The following SNTG1 variants were observed in gnomAD, a reference collection of about 807,000 sequenced individuals.
SNTG1 encodes the protein syntrophin gamma 1, also known as gamma-1-syntrophin.
SNTG1 carries 39 observed loss-of-function variants against 74.7 expected under a neutral mutation model. The ratio of observed to expected loss-of-function variants is 0.52; its 90% confidence interval spans 0.40 to 0.68. SNTG1 has a LOEUF of 0.68. Among genes scored for constraint, SNTG1 ranks in the 30% least tolerant of loss-of-function variants. SNTG1 has a pLI of 0.00. For missense variants in SNTG1, 685 were observed against 609.5 expected (o/e 1.12, Z -1.30); for synonymous variants, 254 against 217.1 (o/e 1.17, Z -1.49).
At position 50,257,257 on chromosome 8, in the gene SNTG1, A is replaced by G. The variant is rs527954950; in HGVS notation, c.-28+84622A>G. Among the ~76,000 whole-genome samples, 3 of 152,250 alleles carry G rather than the reference A, an allele frequency of 2.0e-5. No homozygotes were observed. In the East Asian group the frequency reaches 5.8e-4, roughly 30 times the overall value. Reference sequence around the variant, plus strand: ...TTGCAGATGAAAAATACTGGACCCTATTGTCCAAACCTAGCCCACTTATAG... The same window carrying G: ...TTGCAGATGAAAAATACTGGACCCTGTTGTCCAAACCTAGCCCACTTATAG... On this transcript the variant is annotated intron_variant, in intron 2 of 18. Transcript: ENST00000642720.
At chr8:50,473,033 AC>A (rs1242624133) in intron 8 of SNTG1, among the ~76,000 whole-genome samples, 1 of 152,128 alleles carries the variant, frequency 6.6e-6, no homozygotes, top group East Asian at 1.9e-4. Flanking sequence ...AAAACAGAAA[AC>A]AAGCGTTGGC....
intron 14 of SNTG1, among the ~76,000 whole-genome samples, 157 bp from the exon 15 acceptor site, chr8:50,658,435 G>A (rs2095197294): frequency 1.3e-5 from 2 of 152,130 alleles, no homozygotes; most frequent in African/African-American, 2.4e-5. Context: ...GGAAACAAAA[G>A]CATTATGTAG....
chr8:50,394,846 CT>C (rs10634199), intron 3 of SNTG1, among the ~76,000 whole-genome samples: 1,573 of 143,536 alleles, frequency 0.011, 35 homozygotes, highest in African/African-American at 0.033. Context: ...GAAAAACTAA[CT>C]TTTTTTTTTT....
chr8:50,502,146 T>C (rs1447561633), intron 8 of SNTG1, among the ~76,000 whole-genome samples: 3 of 152,164 alleles, frequency 2.0e-5, no homozygotes, highest in African/African-American at 7.2e-5. Flanking sequence ...GACTTCAACA[T>C]TATATTACAA....
intron 4 of SNTG1, among the ~76,000 whole-genome samples, chr8:50,430,253 A>C (rs1322503872): frequency 6.6e-6 from 1 of 152,202 alleles, no homozygotes; most frequent in Non-Finnish European, 1.5e-5. Flanking sequence ...TATATCTCAA[A>C]AAATATATTC....
intron 9 of SNTG1, among the ~76,000 whole-genome samples, chr8:50,508,799 C>T (rs2094034980): frequency 6.6e-6 from 1 of 152,040 alleles, no homozygotes; most frequent in Non-Finnish European, 1.5e-5. Context: ...TGTTTGAGTT[C>T]ATTGTAGATT....
chr8:50,019,587 G>C (rs916217061), intron 1 of SNTG1, among the ~76,000 whole-genome samples: 2 of 151,996 alleles, frequency 1.3e-5, no homozygotes, highest in African/African-American at 4.8e-5. Flanking sequence ...ATTCATTCAT[G>C]TATCCATGCA....
At chr8:50,638,020 T>C (rs528386505) in intron 13 of SNTG1, among the ~76,000 whole-genome samples, 2 of 152,220 alleles carry the variant, frequency 1.3e-5, no homozygotes, top group South Asian at 4.1e-4. Context: ...CCCCCAAAGA[T>C]GTATCCACGT....
rs145356908 is a variant in SNTG1 at position 50,791,185 on chromosome 8, G to T, written c.1396-1486G>T. ...TATGGGGTGAATGGAGGATTTCCAG[G>T]GTGAGTTAAGGCAAAGAGAAACTTG... On this transcript the variant is annotated intron_variant, in intron 18 of 18. Coordinates refer to ENST00000642720, the MANE Select transcript of SNTG1 (RefSeq NM_018967.5). 9.9e-5 allele frequency among the ~76,000 whole-genome samples: 15 copies of T among 151,894 alleles called. No homozygotes were observed. In the East Asian group the frequency reaches 1.9e-3, roughly 20 times the overall value.
At chr8:50,079,859 G>A (rs1170721330) in intron 1 of SNTG1, among the ~76,000 whole-genome samples, 2 of 152,260 alleles carry the variant, frequency 1.3e-5, no homozygotes, top group Non-Finnish European at 1.5e-5. Context: ...GATGGTTGTA[G>A]ATGTGTGGTG....
At chr8:50,578,195 T>C (rs2094587625) in intron 12 of SNTG1, among the ~76,000 whole-genome samples, 2 of 152,230 alleles carry the variant, frequency 1.3e-5, no homozygotes, top group South Asian at 2.1e-4. Flanking sequence ...GATGGAAATG[T>C]AGACCCAAAG....
rs565844896 is a variant in SNTG1 at position 50,752,976 on chromosome 8, C to T, written c.1395+865C>T. On this transcript the variant is annotated intron_variant, in intron 18 of 18. Coordinates refer to ENST00000642720, the MANE Select transcript of SNTG1 (RefSeq NM_018967.5). ...CTTGTCTTTGGACTCATCTTTTCTGCCTCTTCCTAGTTCACAGGTTGTGTA... is the reference window on the plus strand; with the variant it reads ...CTTGTCTTTGGACTCATCTTTTCTGTCTCTTCCTAGTTCACAGGTTGTGTA... 1.1e-3 allele frequency among the ~76,000 whole-genome samples: 163 copies of T among 152,080 alleles called. 1 individual carries two copies. Among genetic ancestry groups the T allele is most frequent in the African/African-American group, 3.8e-3 (156 of 41,536 alleles).
At chr8:50,070,922 T>C (rs1821310081) in intron 1 of SNTG1, among the ~76,000 whole-genome samples, 1 of 152,196 alleles carries the variant, frequency 6.6e-6, no homozygotes, top group Non-Finnish European at 1.5e-5. Context: ...CGTCTCCTTC[T>C]TCATGGAGGG....
intron 2 of SNTG1, among the ~76,000 whole-genome samples, chr8:50,372,893 T>G (rs535214361): frequency 7.9e-5 from 12 of 152,264 alleles, no homozygotes; most frequent in Admixed American, 2.0e-4. Flanking sequence ...CATTTTGAAC[T>G]GAAGAGTTTC....
At chr8:50,101,378 C>T (rs2080118052) in intron 1 of SNTG1, among the ~76,000 whole-genome samples, 2 of 152,058 alleles carry the variant, frequency 1.3e-5, no homozygotes, top group Admixed American at 6.6e-5. Flanking sequence ...AGAGGCTGAA[C>T]TAATTTGCAT....
intron 15 of SNTG1, among the ~76,000 whole-genome samples, chr8:50,672,983 A>G (rs1411881460): frequency 6.6e-6 from 1 of 152,186 alleles, no homozygotes; most frequent in Non-Finnish European, 1.5e-5. Context: ...TTTGTCGAAG[A>G]TCAGACAGTT....
intron 1 of SNTG1, among the ~76,000 whole-genome samples, chr8:50,070,683 T>G (rs1821290826): frequency 6.6e-6 from 1 of 152,224 alleles, no homozygotes; most frequent in Non-Finnish European, 1.5e-5. Flanking sequence ...AAAATTGAGT[T>G]TCCTGGTCAG....
intron 18 of SNTG1, among the ~76,000 whole-genome samples, chr8:50,777,413 T>C (rs967124839): frequency 6.6e-6 from 1 of 150,484 alleles, no homozygotes; most frequent in African/African-American, 2.4e-5. Context: ...TCTATTCAGT[T>C]TTTTATTTCT....
intron 1 of SNTG1, among the ~76,000 whole-genome samples, chr8:50,098,708 T>C (rs926520947): frequency 6.6e-6 from 1 of 152,178 alleles, no homozygotes; most frequent in African/African-American, 2.4e-5. Context: ...TAAGATGTGA[T>C]CTTGAACAAG....
Sources: allele counts gnomAD v4.1 joint callset (sites outside exome capture counted in the v4.1 genomes callset), GRCh38; gene constraint gnomAD v4.1.1; transcripts MANE v1.5; gene names NCBI Gene and HGNC (gene_info 2026-07-23, HGNC 2026-07-21).